The following MAML2 variants were observed in gnomAD, a reference collection of about 807,000 sequenced individuals.
MAML2 encodes the protein mastermind like transcriptional coactivator 2, also known as mastermind-like protein 2.
A neutral mutation model predicts 96.1 loss-of-function variants in MAML2; 22 were observed. The observed-to-expected ratio is 0.23, with a 90% CI of 0.16 to 0.33. The LOEUF is 0.33. MAML2 is among the 10% of genes least tolerant of loss of function. MAML2 has a pLI of 1.00. For synonymous variants in MAML2, 561 were observed against 521.3 expected, an observed-to-expected ratio of 1.08 and a Z score of -1.04; for missense variants, 1,367 against 1,392.4, an observed-to-expected ratio of 0.98 and a Z score of 0.29.
intron 1 of MAML2, among the ~76,000 whole-genome samples, chr11:96,275,269 A>ATTTTTTTTTTTTTTTTTTTTTTTTTT (rs56407815): frequency 8.9e-6 from 1 of 111,740 alleles, no homozygotes. Context: ...ACACTAAGGA[A>ATTTTTTTTTTTTTTTTTTTTTTTTTT]TTTTTTTTTT....
chr11:95,992,421 C>A (rs1361351396), intron 2 of MAML2, among the ~76,000 whole-genome samples: 1 of 152,146 alleles, frequency 6.6e-6, no homozygotes, highest in Non-Finnish European at 1.5e-5. Flanking sequence ...TGGTGAACTG[C>A]CTTTCTAATT....
chr11:96,125,579 T>C (rs1410657749), intron 1 of MAML2, among the ~76,000 whole-genome samples: 1 of 152,146 alleles, frequency 6.6e-6, no homozygotes, highest in Non-Finnish European at 1.5e-5. Flanking sequence ...GGCACACATA[T>C]TACGAAATCC....
At chr11:96,097,338 G>C (rs1859848125) in intron 1 of MAML2, among the ~76,000 whole-genome samples, 1 of 152,196 alleles carries the variant, frequency 6.6e-6, no homozygotes, top group Non-Finnish European at 1.5e-5. Context: ...ATAAAGGCAA[G>C]GGTTTAAATA....
At chr11:96,189,228 A>G (rs914453448) in intron 1 of MAML2, among the ~76,000 whole-genome samples, 3 of 152,336 alleles carry the variant, frequency 2.0e-5, no homozygotes, top group South Asian at 2.1e-4. Flanking sequence ...ATGGATTTCC[A>G]TTATCCAATT....
In MAML2 at chr11:96,342,614, T is replaced by C. The variant is rs1864014563; in HGVS notation, c.-719A>G. 2.5e-6 allele frequency: 1 copy of C among 392,514 alleles called. No individual in the cohort carries two copies. Among genetic ancestry groups the C allele is most frequent in the South Asian group, 1.4e-4 (1 of 6,978 alleles). 24.3% of individuals were successfully genotyped at this position (392,514 alleles called of 1,614,324 possible). ...TTTGGGGTACTGTAGGATGTTGTCT[T>C]CTCCCAAAAGAGGGAGACAGCTTTT... On this transcript the variant is annotated 5_prime_UTR_variant, in exon 1 of 5. Coordinates refer to ENST00000524717, the MANE Select transcript of MAML2 (RefSeq NM_032427.4).
At chr11:96,168,977 T>C (rs1320763538) in intron 1 of MAML2, among the ~76,000 whole-genome samples, 1 of 152,234 alleles carries the variant, frequency 6.6e-6, no homozygotes, top group Non-Finnish European at 1.5e-5. Context: ...ATAAGTTTCA[T>C]GTAGGCTTAA....
intron 1 of MAML2, 46 bp from the exon 2 acceptor site, chr11:96,093,563 C>G (rs1211716701): frequency 2.4e-6 from 3 of 1,248,110 alleles, no homozygotes; most frequent in Non-Finnish European, 3.4e-6. Flanking sequence ...AAATATGAAT[C>G]CAATGATGCT....
At chr11:96,217,190 A>G (rs889542395) in intron 1 of MAML2, among the ~76,000 whole-genome samples, 1 of 152,210 alleles carries the variant, frequency 6.6e-6, no homozygotes, top group Admixed American at 6.5e-5. Flanking sequence ...ACAATTGATC[A>G]ATTTTTACTA....
rs901232033 is a variant in MAML2, at chr11:95,978,667, TA to T, written c.*280del. Reference sequence around the variant, plus strand: ...ACTTGGGAAGGCTATTTTACACAATTAATTACACATTGACACCACAGTTCTG... The same window carrying T: ...ACTTGGGAAGGCTATTTTACACAATTATTACACATTGACACCACAGTTCTG... On this transcript the variant is annotated 3_prime_UTR_variant, in exon 5 of 5. Transcript: ENST00000524717. 5.7e-6 allele frequency: 2 copies of T among 351,774 alleles called. No homozygotes were observed. Among genetic ancestry groups the T allele is most frequent in the Admixed American group, 4.4e-5 (1 of 22,976 alleles). 21.8% of individuals were successfully genotyped at this position (351,774 alleles called of 1,614,324 possible). A position where few individuals can be genotyped will look rare whatever the true frequency, so the allele number is the denominator to read the frequency against.
At chr11:96,264,852 A>G (rs1224814704) in intron 1 of MAML2, among the ~76,000 whole-genome samples, 1 of 152,224 alleles carries the variant, frequency 6.6e-6, no homozygotes, top group Non-Finnish European at 1.5e-5. Flanking sequence ...ATTTCGGCAT[A>G]GGGTACTTAT....
rs562508222 is a variant in MAML2 at position 96,073,406 on chromosome 11, C to A, written c.2139+18486G>T. ...TGCTATCTCAGCTCACTGCAAGCTC[C>A]ACCTCTCGGATTCACACCATTCTCC... On this transcript the variant is annotated intron_variant, in intron 2 of 4. Coordinates refer to ENST00000524717, the MANE Select transcript of MAML2 (RefSeq NM_032427.4). 9.2e-5 allele frequency among the ~76,000 whole-genome samples: 14 copies of A among 151,402 alleles called. 2 individuals are homozygous for A. The South Asian group carries it at 2.5e-3, about 27-fold the overall frequency.
chr11:96,329,088 T>C (rs1863821707), intron 1 of MAML2, among the ~76,000 whole-genome samples: 1 of 151,924 alleles, frequency 6.6e-6, no homozygotes, highest in Non-Finnish European at 1.5e-5. Context: ...TTCCTTTTTG[T>C]TTTTTTTAAT....
intron 1 of MAML2, among the ~76,000 whole-genome samples, chr11:96,264,359 T>C (rs778629839): frequency 6.6e-6 from 1 of 152,184 alleles, no homozygotes; most frequent in Non-Finnish European, 1.5e-5. Context: ...GAAAAAATTA[T>C]CTCCAAACCA....
At chr11:96,129,262 T>G (rs1860503726) in intron 1 of MAML2, among the ~76,000 whole-genome samples, 1 of 152,168 alleles carries the variant, frequency 6.6e-6, no homozygotes, top group Admixed American at 6.6e-5. Context: ...AAAAAAGATG[T>G]TCTAAAAATA....
chr11:96,342,061 G>GCCGTGGAGAAGTTGT lies in MAML2; in HGVS notation c.-167_-166insACAACTTCTCCACGG. On this transcript the variant is annotated 5_prime_UTR_variant, in exon 1 of 5. Coordinates refer to ENST00000524717, the MANE Select transcript of MAML2 (RefSeq NM_032427.4). ...GGAGCCGTGGAGAAGTTGTGGGGGA[G>GCCGTGGAGAAGTTGT]GGGAGTTAGTAAAAAGAGGGTGGGG... The GCCGTGGAGAAGTTGT allele has an allele frequency of 1.6e-6, 1 of 628,124 alleles. No individual in the cohort carries two copies. Among genetic ancestry groups the GCCGTGGAGAAGTTGT allele is most frequent in the Non-Finnish European group, 2.7e-6 (1 of 374,478 alleles). The allele number at this position is 628,124 out of a possible 1,614,324, so 38.9% of individuals were successfully genotyped here.
intron 1 of MAML2, among the ~76,000 whole-genome samples, chr11:96,319,994 T>C (rs1268055195): frequency 6.6e-6 from 1 of 152,180 alleles, no homozygotes; most frequent in African/African-American, 2.4e-5. Flanking sequence ...ATTCAAAAAA[T>C]CATGCAGAGA....
intron 2 of MAML2, among the ~76,000 whole-genome samples, chr11:96,005,902 C>A (rs939561838): frequency 5.3e-5 from 8 of 151,432 alleles, no homozygotes; most frequent in Non-Finnish European, 1.2e-4. Context: ...GTAAAGTAAC[C>A]TACAAATTTT....
At chr11:96,335,986 A>G (rs1863915679) in intron 1 of MAML2, among the ~76,000 whole-genome samples, 1 of 152,094 alleles carries the variant, frequency 6.6e-6, no homozygotes, top group South Asian at 2.1e-4. Context: ...GAATCTCTCT[A>G]CTACCAACTA....
At chr11:96,273,848 G>C (rs750835366) in intron 1 of MAML2, among the ~76,000 whole-genome samples, 1 of 151,964 alleles carries the variant, frequency 6.6e-6, no homozygotes. Context: ...CCTTTCCCAG[G>C]CCTTCATTTT....
Sources: allele counts gnomAD v4.1 joint callset (sites outside exome capture counted in the v4.1 genomes callset), GRCh38; gene constraint gnomAD v4.1.1; transcripts MANE v1.5; gene names NCBI Gene and HGNC (gene_info 2026-07-23, HGNC 2026-07-21).